ITGA4: variants seen among roughly 807,000 people sequenced by gnomAD.
ITGA4 encodes integrin subunit alpha 4.
In ITGA4, 63 loss-of-function variants were observed where a neutral mutation model predicts 133.6. That is an observed-to-expected ratio of 0.47 (90% CI 0.38 to 0.58). ITGA4 has a LOEUF of 0.58. Ranked by LOEUF, ITGA4 falls within the 20% of genes least tolerant of loss-of-function variation. The probability of loss-of-function intolerance (pLI) is 0.00; values close to 1 mark genes in which losing one functional copy is unlikely to be tolerated. For synonymous variants in ITGA4, 483 were observed against 438.0 expected, an observed-to-expected ratio of 1.10 and a Z score of -1.28; for missense variants, 1,076 against 1,252.7, an observed-to-expected ratio of 0.86 and a Z score of 2.13.
Position 181,530,508 on chromosome 2 carries a change from C to T in ITGA4, c.2539-16C>T. 1 of 1,600,180 alleles carries T rather than the reference C, an allele frequency of 6.2e-7. No homozygotes were observed. The highest frequency in any genetic ancestry group is 8.5e-7 in the Non-Finnish European group (1 of 1,170,508). Reference sequence around the variant, plus strand: ...GTGTTGAAAGATAAGATTTCTCTTGCTTTCTGTCTTCATAGACTACTACTG... The same window carrying T: ...GTGTTGAAAGATAAGATTTCTCTTGTTTTCTGTCTTCATAGACTACTACTG... On this transcript the variant is annotated splice_polypyrimidine_tract_variant and intron_variant, in intron 23 of 27. Coordinates refer to ENST00000397033, the MANE Select transcript of ITGA4 (RefSeq NM_000885.6).
At chr2:181,527,622 C>T (rs930277347) in intron 22 of ITGA4, among the ~76,000 whole-genome samples, 1 of 152,190 alleles carries the variant, frequency 6.6e-6, no homozygotes, top group African/African-American at 2.4e-5. Flanking sequence ...TGAGAAAGAG[C>T]ATGCAGGAAC....
At chr2:181,464,043 T>C (rs962731992) in intron 2 of ITGA4, among the ~76,000 whole-genome samples, 7 of 152,018 alleles carry the variant, frequency 4.6e-5, no homozygotes, top group Non-Finnish European at 8.8e-5. Flanking sequence ...CCCCAGATGA[T>C]TCCAGTATTC....
At chr2:181,470,762 C>T (rs752846017) in intron 2 of ITGA4, among the ~76,000 whole-genome samples, 4 of 152,136 alleles carry the variant, frequency 2.6e-5, no homozygotes, top group Admixed American at 6.6e-5. Context: ...ATATCCCCAG[C>T]TACATAGGAG....
At position 181,537,500 on chromosome 2, in the gene ITGA4, G is replaced by A. The variant is rs941351410; in HGVS notation, c.*1973G>A. On this transcript the variant is annotated 3_prime_UTR_variant, in exon 28 of 28. Transcript: ENST00000397033. ...AGGGATGGGTTATTCTTTTTTGGCAGGTAGGCTATATAACTATGTGATTTT... is the reference window on the plus strand; with the variant it reads ...AGGGATGGGTTATTCTTTTTTGGCAAGTAGGCTATATAACTATGTGATTTT... The A allele has an allele frequency of 1.1e-5, 5 of 453,372 alleles. No homozygotes were observed. Among genetic ancestry groups the A allele is most frequent in the African/African-American group, 1.0e-4 (5 of 49,934 alleles). 28.1% of individuals were successfully genotyped at this position (453,372 alleles called of 1,614,324 possible). A position where few individuals can be genotyped will look rare whatever the true frequency, so the allele number is the denominator to read the frequency against.
In ITGA4 at chr2:181,536,563, C is replaced by CAAGTATAAGTGTTAA; in HGVS notation, c.*1036_*1037insAAGTATAAGTGTTAA. On this transcript the variant is annotated 3_prime_UTR_variant, in exon 28 of 28. Transcript: ENST00000397033. ...TTACCCTTTACAAGTATAAGTGTTACCTTACATGGAAACGAAGAAACAAAA... is the reference window on the plus strand; with the variant it reads ...TTACCCTTTACAAGTATAAGTGTTACAAGTATAAGTGTTAACTTACATGGAAACGAAGAAACAAAA... 1.6e-5 allele frequency: 1 copy of CAAGTATAAGTGTTAA among 64,076 alleles called. No homozygotes were observed. Among genetic ancestry groups the CAAGTATAAGTGTTAA allele is most frequent in the Admixed American group, 1.6e-4 (1 of 6,108 alleles). The allele number at this position is 64,076 out of a possible 1,614,324, so 4.0% of individuals were successfully genotyped here.
intron 24 of ITGA4, 79 bp downstream of exon 24, chr2:181,530,728 G>C (rs1208358461): frequency 4.0e-6 from 5 of 1,255,328 alleles, no homozygotes; most frequent in Non-Finnish European, 5.7e-6. Context: ...CAATGGGTTT[G>C]AGCTGTCACT....
chr2:181,470,902 C>A (rs879683125), intron 2 of ITGA4, among the ~76,000 whole-genome samples: 1 of 151,928 alleles, frequency 6.6e-6, no homozygotes, highest in African/African-American at 2.4e-5. Context: ...GAAAAAGTCC[C>A]AGAAATTAAG....
chr2:181,475,627 A>G (rs1293245813), intron 4 of ITGA4, among the ~76,000 whole-genome samples: 1 of 152,222 alleles, frequency 6.6e-6, no homozygotes, highest in Non-Finnish European at 1.5e-5. Context: ...TGGAAGTCTG[A>G]TTAAAAAGAA....
chr2:181,531,921 C>T, intron 25 of ITGA4, 145 bp downstream of exon 25: 1 of 521,480 alleles, frequency 1.9e-6, no homozygotes, highest in Non-Finnish European at 3.3e-6. Context: ...AACTGTATTT[C>T]TATCACTTCA....
chr2:181,513,492 T>G (rs889869539), intron 17 of ITGA4, among the ~76,000 whole-genome samples: 37 of 152,220 alleles, frequency 2.4e-4, no homozygotes, highest in African/African-American at 8.4e-4. Context: ...TTCTTATCCA[T>G]CATGCTTTGC....
rs1559034692 is a variant in ITGA4 at position 181,460,569 on chromosome 2, G to GTGTGTA, written c.319+2257_319+2258insATGTGT. On this transcript the variant is annotated intron_variant, in intron 2 of 27. Coordinates refer to ENST00000397033, the MANE Select transcript of ITGA4 (RefSeq NM_000885.6). Reference sequence around the variant, plus strand: ...TATAAGCCATCTTCTGTAGAAGAGTGTGTGTGTGTGTGTGTGTGTGTGTGT... The same window carrying GTGTGTA: ...TATAAGCCATCTTCTGTAGAAGAGTGTGTGTATGTGTGTGTGTGTGTGTGTGTGTGT... 2.5e-3 allele frequency among the ~76,000 whole-genome samples: 327 copies of GTGTGTA among 131,484 alleles called. 5 individuals are homozygous for GTGTGTA. Among genetic ancestry groups the GTGTGTA allele is most frequent in the African/African-American group, 9.4e-3 (278 of 29,486 alleles). The allele number at this position is 131,484 out of a possible 152,430, so 86.3% of individuals were successfully genotyped here.
At chr2:181,525,036 A>G (rs1375579252) in intron 20 of ITGA4, among the ~76,000 whole-genome samples, 166 bp from the exon 21 acceptor site, 2 of 152,062 alleles carry the variant, frequency 1.3e-5, no homozygotes, top group Non-Finnish European at 2.9e-5. Context: ...TTTTCTGCCA[A>G]CCTTGTCCTA....
At chr2:181,504,881 A>C (rs1025640126) in intron 15 of ITGA4, among the ~76,000 whole-genome samples, 3 of 151,752 alleles carry the variant, frequency 2.0e-5, no homozygotes, top group Non-Finnish European at 4.4e-5. Context: ...GTAATGCTAG[A>C]TGTCTGACTG....
Position 181,480,180 on chromosome 2 carries a change from G to A in ITGA4, c.668G>A (p.Gly223Asp). Residue 223 changes from glycine (G) to aspartate (D), a missense_variant, in exon 6 of 28, where the codon GGC (glycine) becomes GAC (aspartate). Around this residue, in one of 4 missense-constraint regions of ITGA4, gnomAD observed 436 missense variants for 590.7 expected, o/e 0.74. Transcript: ENST00000397033. ...GCCCCAGGATCATCTTACTGGACTG[G>A]CTCTCTTTTTGTCTACAATATAACT... The part of the protein sequence containing the change: ...MGAPGSSYWT[G>D]SLFVYNITTN... The A allele has an allele frequency of 6.4e-7, 1 of 1,561,558 alleles. No individual in the cohort carries two copies. The highest frequency in any genetic ancestry group is 8.7e-7 in the Non-Finnish European group (1 of 1,155,562).
At position 181,511,922 on chromosome 2, in the gene ITGA4, T is replaced by A. The variant is rs1466204689; in HGVS notation, c.1922+147T>A. The A allele has an allele frequency of 5.7e-5, 30 of 525,772 alleles. No individual in the cohort carries two copies. In the East Asian group the frequency reaches 8.7e-4, roughly 15 times the overall value. 32.6% of individuals were successfully genotyped at this position (525,772 alleles called of 1,614,324 possible). ...ATTAGCAACACAATGCTTAGTTTTT[T>A]ATCGGCCAGAAAACTGGTTATATCA... On this transcript the variant is annotated intron_variant, in intron 17 of 27. Transcript: ENST00000397033.
chr2:181,463,820 G>A (rs1431434656), intron 2 of ITGA4, among the ~76,000 whole-genome samples: 2 of 152,056 alleles, frequency 1.3e-5, no homozygotes, highest in Non-Finnish European at 2.9e-5. Flanking sequence ...CACCTCCAAG[G>A]CTTTGATTAC....
chr2:181,499,125 G>A (rs576464802), intron 15 of ITGA4, among the ~76,000 whole-genome samples: 12 of 152,156 alleles, frequency 7.9e-5, no homozygotes, highest in South Asian at 2.1e-4. Context: ...TCCGTGGTAC[G>A]TTTTTTGGGG....
rs1467617561 is a variant in ITGA4 at position 181,486,057 on chromosome 2, G to A, written c.1153+65G>A. The A allele has an allele frequency of 5.3e-6, 8 of 1,519,820 alleles. No homozygotes were observed. The Admixed American group carries it at 1.7e-4, about 33-fold the overall frequency. 94.1% of individuals were successfully genotyped at this position (1,519,820 alleles called of 1,614,324 possible). A position where few individuals can be genotyped will look rare whatever the true frequency, so the allele number is the denominator to read the frequency against. ...TAAAATGGTTTATGGAAGAAAATAT[G>A]ATTAAAGTTTTGTATTGTTTTCCTT... On this transcript the variant is annotated intron_variant, in intron 10 of 27. Coordinates refer to ENST00000397033, the MANE Select transcript of ITGA4 (RefSeq NM_000885.6).
chr2:181,468,847 T>C (rs1685483402), intron 2 of ITGA4, among the ~76,000 whole-genome samples: 3 of 152,178 alleles, frequency 2.0e-5, no homozygotes, highest in Admixed American at 6.5e-5. Context: ...TTTTTAAATA[T>C]CTAGTGGAAA....
Sources: allele counts gnomAD v4.1 joint callset (sites outside exome capture counted in the v4.1 genomes callset), GRCh38; gene constraint gnomAD v4.1.1; regional missense constraint gnomAD v4.1.1; transcripts MANE v1.5; gene names NCBI Gene and HGNC (gene_info 2026-07-23, HGNC 2026-07-21).